The following RANBP2 variants were observed in gnomAD, a reference collection of about 807,000 sequenced individuals.
RANBP2 encodes E3 SUMO-protein ligase RanBP2.
In RANBP2, 57 loss-of-function variants were observed where a neutral mutation model predicts 303.6. The observed-to-expected ratio is 0.19, with a 90% CI of 0.15 to 0.23. The LOEUF is 0.23. Ranked by LOEUF, RANBP2 falls within the 10% of genes least tolerant of loss-of-function variation. The pLI, the probability that RANBP2 is intolerant of heterozygous loss-of-function variation, is 1.00. For missense variants in RANBP2, 3,138 were observed against 3,780.8 expected (o/e 0.83, Z 4.46); for synonymous variants, 1,167 against 1,301.5 (o/e 0.90, Z 2.23).
At chr2:109,248,979 C>G in the RANBP2 span, among the ~76,000 whole-genome samples, 41 of 152,010 alleles carry the variant, frequency 2.7e-4, 1 homozygote, top group South Asian at 8.1e-3. Flanking sequence ...ACTCCTGGGC[C>G]TAAGTGATCC....
chr2:109,029,289 G>A, the RANBP2 span, among the ~76,000 whole-genome samples: 2 of 152,158 alleles, frequency 1.3e-5, no homozygotes. Flanking sequence ...GGCCGCAGCT[G>A]CTGGGTTCTG....
the RANBP2 span, chr2:109,614,099 T>A: frequency 2.5e-6 from 3 of 1,210,318 alleles, no homozygotes; most frequent in Non-Finnish European, 2.1e-6. Context: ...GGACTGAGCG[T>A]CAGCGTTGGG....
chr2:108,986,503 C>A, the RANBP2 span, among the ~76,000 whole-genome samples: 1 of 152,138 alleles, frequency 6.6e-6, no homozygotes, highest in African/African-American at 2.4e-5. Flanking sequence ...CTAGTCTCAG[C>A]CCCTCCAATT....
At chr2:109,728,095 C>G in the RANBP2 span, among the ~76,000 whole-genome samples, 1 of 152,198 alleles carries the variant, frequency 6.6e-6, no homozygotes, top group Non-Finnish European at 1.5e-5. Context: ...GGAACCCAGC[C>G]ACCATGCTGT....
At chr2:108,982,791 C>T in the RANBP2 span, among the ~76,000 whole-genome samples, 8 of 152,144 alleles carry the variant, frequency 5.3e-5, no homozygotes, top group Admixed American at 1.3e-4. Context: ...GCTTTGGTTA[C>T]GTCTGCCCGT....
chr2:109,228,319 T>C, the RANBP2 span, among the ~76,000 whole-genome samples: 1 of 152,214 alleles, frequency 6.6e-6, no homozygotes, highest in East Asian at 1.9e-4. Context: ...AAATGTGTTG[T>C]AGACAGCATC....
At chr2:109,324,493 G>A in the RANBP2 span, among the ~76,000 whole-genome samples, 1 of 152,228 alleles carries the variant, frequency 6.6e-6, no homozygotes, top group Non-Finnish European at 1.5e-5. Context: ...CCTAGTGGAT[G>A]TGAAGTAGTT....
the RANBP2 span, chr2:109,614,600 C>T: frequency 1.4e-6 from 2 of 1,453,480 alleles, no homozygotes; most frequent in African/African-American, 3.0e-5. Flanking sequence ...TGGTGCAGCA[C>T]TTCAGGGGCG....
At chr2:109,043,004 GT>G in the RANBP2 span, among the ~76,000 whole-genome samples, 1 of 152,284 alleles carries the variant, frequency 6.6e-6, no homozygotes, top group Non-Finnish European at 1.5e-5. Context: ...GGTCCACATA[GT>G]AAGTAAATAT....
At chr2:109,526,551 A>G in the RANBP2 span, among the ~76,000 whole-genome samples, 1 of 152,066 alleles carries the variant, frequency 6.6e-6, no homozygotes, top group Non-Finnish European at 1.5e-5. Flanking sequence ...ACCTCAAGTG[A>G]TCCACCTGCC....
At chr2:108,889,952 C>G in the RANBP2 span, among the ~76,000 whole-genome samples, 1 of 151,950 alleles carries the variant, frequency 6.6e-6, no homozygotes, top group Non-Finnish European at 1.5e-5. Context: ...TTTATACTTT[C>G]ATTTGTTTCC....
chr2:108,740,547 A>T lies in RANBP2; in HGVS notation c.841A>T (p.Thr281Ser). The T allele has an allele frequency of 1.3e-6, 2 of 1,597,564 alleles. No homozygotes were observed. Among genetic ancestry groups the T allele is most frequent in the Non-Finnish European group, 1.7e-6 (2 of 1,179,790 alleles). The change falls in exon 7 of 29, where the codon ACT (threonine) becomes TCT (serine). Residue 281 changes from threonine to serine, a missense_variant. Transcript: ENST00000283195. Reference protein sequence around the residue: ...SLGGNDELSATFLEMKGHFYM... With the variant: ...SLGGNDELSASFLEMKGHFYM... ...GGGTGGAAATGATGAACTGTCAGCT[A>T]CTTTCTTAGAAATGAAAGGACATTT...
the RANBP2 span, among the ~76,000 whole-genome samples, chr2:109,620,580 T>G: frequency 6.6e-6 from 1 of 152,116 alleles, no homozygotes; most frequent in Non-Finnish European, 1.5e-5. Context: ...TGCATGCCTG[T>G]AATCCCAGCT....
At chr2:109,612,952 G>A in the RANBP2 span, among the ~76,000 whole-genome samples, 7 of 152,196 alleles carry the variant, frequency 4.6e-5, no homozygotes, top group Non-Finnish European at 2.9e-5. Context: ...AGGTTGCTTA[G>A]TAGAGTGGTT....
chr2:108,820,973 A>G, the RANBP2 span, among the ~76,000 whole-genome samples: 5 of 151,938 alleles, frequency 3.3e-5, no homozygotes, highest in Non-Finnish European at 5.9e-5. Flanking sequence ...CCTGGTATGT[A>G]AGTTGATTTT....
the RANBP2 span, among the ~76,000 whole-genome samples, chr2:109,726,285 C>A: frequency 6.6e-6 from 1 of 151,756 alleles, no homozygotes; most frequent in Admixed American, 6.6e-5. Context: ...GCTTGCACGC[C>A]GGTAGTCCCA....
At chr2:109,405,498 G>A in the RANBP2 span, among the ~76,000 whole-genome samples, 67 of 152,058 alleles carry the variant, frequency 4.4e-4, 2 homozygotes, top group African/African-American at 1.5e-3. Context: ...TTCTCCCTGC[G>A]CACCACGCTG....
the RANBP2 span, among the ~76,000 whole-genome samples, chr2:109,083,791 T>C: frequency 6.6e-6 from 1 of 152,150 alleles, no homozygotes; most frequent in Non-Finnish European, 1.5e-5. Context: ...ACAGCACTCC[T>C]CTTTACCCAG....
At chr2:108,822,044 C>A in the RANBP2 span, among the ~76,000 whole-genome samples, 1 of 151,824 alleles carries the variant, frequency 6.6e-6, no homozygotes, top group Admixed American at 6.6e-5. Context: ...CAGCACCCAA[C>A]TGTATGCTGT....
Sources: gnomAD v4.1 joint callset for allele counts (sites outside exome capture counted in the v4.1 genomes callset) on GRCh38, gnomAD v4.1.1 for gene constraint, MANE v1.5 for transcripts, NCBI Gene and HGNC (gene_info 2026-07-23, HGNC 2026-07-21) for gene names.